KAZN: variants seen among roughly 807,000 people sequenced by gnomAD.
KAZN encodes kazrin.
KAZN carries 40 observed loss-of-function variants against 87.4 expected under a neutral mutation model. The ratio of observed to expected loss-of-function variants is 0.46; its 90% CI spans 0.36 to 0.60. KAZN has a LOEUF of 0.60. Among genes scored for constraint, KAZN ranks in the 20% least tolerant of loss-of-function variants. The probability of loss-of-function intolerance (pLI) is 0.00; values close to 1 mark genes in which losing one functional copy is unlikely to be tolerated. For missense variants in KAZN, 898 were observed against 1,073.9 expected, an observed-to-expected ratio of 0.84 and a Z score of 2.29; for synonymous variants, 466 against 458.3, an observed-to-expected ratio of 1.02 and a Z score of -0.22.
chr1:14,396,511 G>A (rs116278973), intron 2 of KAZN, among the ~76,000 whole-genome samples: 2,273 of 152,286 alleles, frequency 0.015, 61 homozygotes, highest in African/African-American at 0.052. Context: ...ATGCCCACCC[G>A]TCAGACTCAC....
intron 1 of KAZN, among the ~76,000 whole-genome samples, chr1:14,850,317 C>T (rs532987498): frequency 3.3e-5 from 5 of 152,076 alleles, no homozygotes; most frequent in African/African-American, 9.7e-5. Context: ...ACTCATAAAC[C>T]AACATGACCT....
intron 2 of KAZN, among the ~76,000 whole-genome samples, chr1:14,390,014 TA>T (rs960295304): frequency 7.4e-4 from 113 of 152,104 alleles, no homozygotes; most frequent in African/African-American, 2.7e-3. Flanking sequence ...AATTAAAAAT[TA>T]AAAAAAGTAA....
At chr1:14,163,857 C>G (rs903481537) in intron 1 of KAZN, among the ~76,000 whole-genome samples, 3 of 152,182 alleles carry the variant, frequency 2.0e-5, no homozygotes, top group Non-Finnish European at 4.4e-5. Context: ...TCTGCCGTTA[C>G]GTAGCAAGAA....
intron 2 of KAZN, among the ~76,000 whole-genome samples, chr1:14,413,301 A>G (rs1664453831): frequency 6.6e-6 from 1 of 151,992 alleles, no homozygotes; most frequent in Non-Finnish European, 1.5e-5. Flanking sequence ...AACCTTTAAA[A>G]TGCATTTGGC....
intron 1 of KAZN, among the ~76,000 whole-genome samples, chr1:14,170,138 T>C (rs1264725269): frequency 1.3e-5 from 2 of 152,178 alleles, no homozygotes. Context: ...TTGCAGTTCA[T>C]CAGCTCTCAA....
At chr1:14,692,312 A>G (rs1177501759) in intron 1 of KAZN, 1 of 498,352 alleles carries the variant, frequency 2.0e-6, no homozygotes, top group East Asian at 3.3e-5. Context: ...TAATGGCATA[A>G]TTTTCACCAT....
chr1:14,306,863 A>G (rs964269668), intron 2 of KAZN, among the ~76,000 whole-genome samples: 3 of 152,210 alleles, frequency 2.0e-5, no homozygotes, highest in South Asian at 4.1e-4. Context: ...ATTCTTTAAA[A>G]GACAAGATAA....
chr1:14,364,359 T>A (rs1378063361), intron 2 of KAZN, among the ~76,000 whole-genome samples: 1 of 152,200 alleles, frequency 6.6e-6, no homozygotes, highest in East Asian at 1.9e-4. Flanking sequence ...TTATAGCCGC[T>A]GCCTCCTAGA....
At chr1:14,382,458 T>TCCCCCCCC in intron 2 of KAZN, among the ~76,000 whole-genome samples, 1 of 38,056 alleles carries the variant, frequency 2.6e-5, no homozygotes, top group Admixed American at 2.4e-4. Flanking sequence ...CCCAATGCTA[T>TCCCCCCCC]CCCTCCCCCC....
intron 2 of KAZN, among the ~76,000 whole-genome samples, chr1:14,987,132 T>C (rs1364616315): frequency 6.6e-6 from 1 of 152,058 alleles, no homozygotes; most frequent in Non-Finnish European, 1.5e-5. Context: ...TGGTAATACA[T>C]ACTATGAAGG....
chr1:14,255,928 C>T (rs2100633039), intron 2 of KAZN, among the ~76,000 whole-genome samples: 1 of 152,266 alleles, frequency 6.6e-6, no homozygotes, highest in Admixed American at 6.5e-5. Flanking sequence ...CCTGGTAACC[C>T]ACTCTAGGCA....
intron 2 of KAZN, among the ~76,000 whole-genome samples, chr1:14,371,967 A>G (rs1170183072): frequency 1.3e-5 from 2 of 152,238 alleles, no homozygotes; most frequent in African/African-American, 2.4e-5. Context: ...GTTTAAAGGA[A>G]ACTGGCAGAG....
chr1:14,253,120 A>AG (rs1650195453), intron 2 of KAZN, among the ~76,000 whole-genome samples: 1 of 125,980 alleles, frequency 7.9e-6, no homozygotes, highest in South Asian at 2.4e-4. Context: ...CAGAAAAAAG[A>AG]GAAAAAAAAA....
At chr1:14,041,140 A>G (rs1079989) in intron 1 of KAZN, among the ~76,000 whole-genome samples, 93,728 of 152,056 alleles carry the variant, frequency 0.62, 30,242 homozygotes, top group African/African-American at 0.8. Flanking sequence ...TTCAAATCAC[A>G]TCAGTGTATT....
intron 1 of KAZN, among the ~76,000 whole-genome samples, chr1:14,900,829 C>T (rs988247189): frequency 2.0e-5 from 3 of 151,792 alleles, no homozygotes; most frequent in Admixed American, 2.0e-4. Flanking sequence ...ACTGTGGTCA[C>T]CAGGAGGAGA....
intron 1 of KAZN, among the ~76,000 whole-genome samples, chr1:13,977,211 G>A (rs370317336): frequency 5.3e-4 from 80 of 152,208 alleles, no homozygotes; most frequent in African/African-American, 1.7e-3. Flanking sequence ...GATATTATCC[G>A]TCTGATGCCA....
chr1:14,089,346 A>G (rs916500045), intron 1 of KAZN, among the ~76,000 whole-genome samples: 1 of 152,112 alleles, frequency 6.6e-6, no homozygotes, highest in Non-Finnish European at 1.5e-5. Flanking sequence ...ATTTCAATAC[A>G]TATATGATCT....
chr1:14,495,401 C>T (rs1383322638), intron 2 of KAZN, among the ~76,000 whole-genome samples: 3 of 152,178 alleles, frequency 2.0e-5, no homozygotes, highest in African/African-American at 7.2e-5. Context: ...TTCTATTTTC[C>T]ATTAATCCCC....
intron 5 of KAZN, among the ~76,000 whole-genome samples, chr1:15,059,354 G>T (rs1038684533): frequency 6.6e-6 from 1 of 152,226 alleles, no homozygotes; most frequent in African/African-American, 2.4e-5. Flanking sequence ...TGGGCAACAG[G>T]AATGGCAGAG....
Sources: gnomAD v4.1 joint callset for allele counts (sites outside exome capture counted in the v4.1 genomes callset) on GRCh38, gnomAD v4.1.1 for gene constraint, MANE v1.5 for transcripts, NCBI Gene and HGNC (gene_info 2026-07-23, HGNC 2026-07-21) for gene names.